The following ASTN2 variants were observed in gnomAD, a reference collection of about 807,000 sequenced individuals.
The protein encoded by ASTN2 is astrotactin 2.
In ASTN2, 54 loss-of-function variants were observed where a neutral mutation model predicts 139.8. That is an observed-to-expected ratio of 0.39 (90% CI 0.31 to 0.48). ASTN2 has a LOEUF of 0.48. Among genes scored for constraint, ASTN2 ranks in the 20% least tolerant of loss-of-function variants. ASTN2 has a pLI of 0.95. For synonymous variants in ASTN2, 756 were observed against 719.5 expected (o/e 1.05, Z -0.81); for missense variants, 1,565 against 1,725.1 (o/e 0.91, Z 1.64).
intron 1 of ASTN2, among the ~76,000 whole-genome samples, chr9:117,292,721 C>T (rs1216619203): frequency 6.6e-6 from 1 of 152,146 alleles, no homozygotes; most frequent in Non-Finnish European, 1.5e-5. Context: ...CAAACACACA[C>T]ACACGAGGAG....
At chr9:117,154,993 C>G (rs1421392853) in intron 3 of ASTN2, among the ~76,000 whole-genome samples, 3 of 152,008 alleles carry the variant, frequency 2.0e-5, no homozygotes, top group Non-Finnish European at 4.4e-5. Flanking sequence ...GCTTGTCTGA[C>G]TTCCATGATC....
At chr9:116,463,911 T>G (rs1362650881) in intron 20 of ASTN2, among the ~76,000 whole-genome samples, 1 of 148,332 alleles carries the variant, frequency 6.7e-6, no homozygotes, top group African/African-American at 2.5e-5. Context: ...GTTTTGTGTT[T>G]TTTTTTTTTT....
rs1860927820 is a variant in ASTN2 at position 116,697,577 on chromosome 9, G to A, written c.2806+28194C>T. The A allele has an allele frequency of 5.8e-6, 5 of 856,542 alleles. No homozygotes were observed. In the South Asian group the frequency reaches 8.1e-5, roughly 14 times the overall value. 53.1% of individuals were successfully genotyped at this position (856,542 alleles called of 1,614,324 possible). On this transcript the variant is annotated intron_variant, in intron 16 of 22. Coordinates refer to ENST00000313400, the MANE Select transcript of ASTN2 (RefSeq NM_001365068.1). ...AAGTAAGGGAATGACTGAATGACTG[G>A]TCATAGCTATTCTCTAAATGTTTCT...
At chr9:116,526,793 A>G (rs2119264837) in intron 19 of ASTN2, among the ~76,000 whole-genome samples, 1 of 152,306 alleles carries the variant, frequency 6.6e-6, no homozygotes, top group East Asian at 1.9e-4. Flanking sequence ...TCTGTATCCT[A>G]GATGCTCAGA....
At chr9:117,389,879 T>C (rs1480791824) in intron 1 of ASTN2, among the ~76,000 whole-genome samples, 1 of 148,134 alleles carries the variant, frequency 6.8e-6, no homozygotes, top group South Asian at 2.1e-4. Flanking sequence ...GAACAGGGTG[T>C]TGTGAGAAAG....
At chr9:116,927,138 C>T (rs970076441) in intron 10 of ASTN2, among the ~76,000 whole-genome samples, 4 of 152,152 alleles carry the variant, frequency 2.6e-5, no homozygotes, top group East Asian at 1.9e-4. Flanking sequence ...AAACCTTGAG[C>T]GTTTCACTGA....
At chr9:117,047,770 A>G (rs1838786811) in intron 5 of ASTN2, among the ~76,000 whole-genome samples, 1 of 152,110 alleles carries the variant, frequency 6.6e-6, no homozygotes, top group Admixed American at 6.6e-5. Flanking sequence ...TCATATTTTG[A>G]GTCCTTTTAT....
chr9:117,120,012 G>A (rs1041046660), intron 4 of ASTN2, among the ~76,000 whole-genome samples: 1,470 of 68,184 alleles, frequency 0.022, 32 homozygotes, highest in African/African-American at 0.086. Context: ...GTGTGTGTGT[G>A]TGTGTGTATA....
chr9:117,327,090 C>G (rs1041762795), intron 1 of ASTN2, among the ~76,000 whole-genome samples: 1 of 152,132 alleles, frequency 6.6e-6, no homozygotes, highest in Admixed American at 6.5e-5. Context: ...AGCATGCAAC[C>G]TAGAACCCTC....
chr9:116,587,197 TG>T (rs1266100361), intron 19 of ASTN2, among the ~76,000 whole-genome samples: 3 of 151,788 alleles, frequency 2.0e-5, no homozygotes, highest in African/African-American at 7.3e-5. Context: ...AAAAACTAGC[TG>T]GGTGTGGTGA....
rs190817593 is a variant in ASTN2, at chr9:117,229,519, C to T, written c.631-14777G>A. On this transcript the variant is annotated intron_variant, in intron 2 of 22. Coordinates refer to ENST00000313400, the MANE Select transcript of ASTN2 (RefSeq NM_001365068.1). The stretch of plus-strand genomic sequence containing the variant: ...TGTATCCTTAAGTGGTCAGCGATAG[C>T]GTCCCCAAACTGCCACCCAACAGGA... Among the ~76,000 whole-genome samples, 46 of 152,292 alleles carry T rather than the reference C, an allele frequency of 3.0e-4. 1 individual carries two copies. Among genetic ancestry groups the T allele is most frequent in the Admixed American group, 2.1e-3 (32 of 15,298 alleles).
At chr9:117,125,448 A>G (rs965479946) in intron 4 of ASTN2, among the ~76,000 whole-genome samples, 8 of 152,206 alleles carry the variant, frequency 5.3e-5, no homozygotes. Context: ...TAACAACTCT[A>G]TCCCTATATG....
intron 2 of ASTN2, among the ~76,000 whole-genome samples, chr9:117,232,852 A>G (rs1832936952): frequency 6.7e-6 from 1 of 149,924 alleles, no homozygotes; most frequent in Non-Finnish European, 1.5e-5. Context: ...TTATCCATAC[A>G]GTTCTGAAAT....
intron 4 of ASTN2, among the ~76,000 whole-genome samples, chr9:117,114,935 G>T (rs1191455071): frequency 1.3e-5 from 2 of 152,120 alleles, no homozygotes; most frequent in Non-Finnish European, 2.9e-5. Context: ...CCAGCCATGT[G>T]AGGGGGCCAT....
In ASTN2 at chr9:117,059,140, G is replaced by C. The variant is rs1476327952; in HGVS notation, c.1277-19175C>G. The stretch of plus-strand genomic sequence containing the variant: ...GAATAGTGGTGACACTGGGGATGGA[G>C]AGAGTCATCAAATGCAGAGTACAGT... On this transcript the variant is annotated intron_variant, in intron 5 of 22. Transcript: ENST00000313400. 2.0e-5 allele frequency among the ~76,000 whole-genome samples: 3 copies of C among 152,166 alleles called. No individual in the cohort carries two copies. In the South Asian group the frequency reaches 6.2e-4, roughly 32 times the overall value.
At chr9:116,437,689 G>C (rs1271078884) in intron 22 of ASTN2, 1 of 440,562 alleles carries the variant, frequency 2.3e-6, no homozygotes, top group Non-Finnish European at 4.6e-6. Flanking sequence ...GCCTTCCTCT[G>C]TCCACAGGCA....
At position 116,889,391 on chromosome 9, in the gene ASTN2, C is replaced by T. The variant is rs150134083; in HGVS notation, c.1890-25658G>A. On this transcript the variant is annotated intron_variant, in intron 10 of 22. Coordinates refer to ENST00000313400, the MANE Select transcript of ASTN2 (RefSeq NM_001365068.1). ...ATCACCTCCTCCATGAAGTTAGAAGCCCTCCCTTCAACACAGGCACAGCAG... is the reference window on the plus strand; with the variant it reads ...ATCACCTCCTCCATGAAGTTAGAAGTCCTCCCTTCAACACAGGCACAGCAG... Among the ~76,000 whole-genome samples, 3 of 152,190 alleles carry T rather than the reference C, an allele frequency of 2.0e-5. No homozygotes were observed. The East Asian group carries it at 5.8e-4, about 29-fold the overall frequency.
At chr9:117,045,257 CA>C (rs56993648) in intron 5 of ASTN2, among the ~76,000 whole-genome samples, 36,917 of 131,146 alleles carry the variant, frequency 0.28, 4,785 homozygotes, top group Middle Eastern at 0.33. Context: ...ATGTAATTAG[CA>C]AAAAAAAAAA....
chr9:116,959,567 C>G (rs10123622), intron 10 of ASTN2, among the ~76,000 whole-genome samples: 4,621 of 152,092 alleles, frequency 0.03, 253 homozygotes, highest in African/African-American at 0.11. Context: ...ATCTAAGGAG[C>G]CTGTTTGCTA....
Sources: gnomAD v4.1 joint callset for allele counts (sites outside exome capture counted in the v4.1 genomes callset) on GRCh38, gnomAD v4.1.1 for gene constraint, MANE v1.5 for transcripts, NCBI Gene and HGNC (gene_info 2026-07-23, HGNC 2026-07-21) for gene names.